KMT5B: variants seen among roughly 807,000 people sequenced by gnomAD.
The protein encoded by KMT5B is histone-lysine N-methyltransferase KMT5B.
A neutral mutation model predicts 83.2 loss-of-function variants in KMT5B; 10 were observed. That is an observed-to-expected ratio of 0.12 (90% confidence interval 0.07 to 0.20). KMT5B has a LOEUF of 0.20. KMT5B is among the 10% of genes least tolerant of loss of function. KMT5B has a pLI of 1.00. For synonymous variants in KMT5B, 349 were observed against 388.8 expected (o/e 0.90, Z 1.20); for missense variants, 753 against 1,067.2 (o/e 0.71, Z 4.10).
chr11:68,194,228 T>G (rs1281274019), intron 1 of KMT5B, among the ~76,000 whole-genome samples: 1 of 139,512 alleles, frequency 7.2e-6, no homozygotes, highest in Non-Finnish European at 1.5e-5. Context: ...TATCGCTCCC[T>G]CACCCAGGCT....
At chr11:68,178,244 C>T (rs1856567792) in intron 4 of KMT5B, among the ~76,000 whole-genome samples, 1 of 152,186 alleles carries the variant, frequency 6.6e-6, no homozygotes, top group African/African-American at 2.4e-5. Context: ...TGAAACTTGG[C>T]TATTTTTAAT....
At chr11:68,190,224 C>A (rs1857884708) in intron 1 of KMT5B, 72 bp from the exon 2 acceptor site, 1 of 685,492 alleles carries the variant, frequency 1.5e-6, no homozygotes, top group Non-Finnish European at 2.5e-6. Flanking sequence ...GCTAAACAGA[C>A]CCTTGAGAAA....
chr11:68,194,844 T>G (rs1858518127), intron 1 of KMT5B, among the ~76,000 whole-genome samples: 1 of 152,158 alleles, frequency 6.6e-6, no homozygotes, highest in South Asian at 2.1e-4. Flanking sequence ...AAATTTAGAA[T>G]TAGGTTTTTT....
At chr11:68,193,866 T>C (rs1185854068) in intron 1 of KMT5B, among the ~76,000 whole-genome samples, 2 of 151,044 alleles carry the variant, frequency 1.3e-5, no homozygotes, top group East Asian at 3.9e-4. Context: ...AGTGGTGTGA[T>C]GATGGCTCAC....
chr11:68,199,695 G>T (rs557005264), intron 1 of KMT5B, among the ~76,000 whole-genome samples: 1 of 152,210 alleles, frequency 6.6e-6, no homozygotes, highest in Non-Finnish European at 1.5e-5. Context: ...TAGGACAAGA[G>T]AATGCAGGGA....
At chr11:68,190,566 G>C (rs1857923586) in intron 1 of KMT5B, among the ~76,000 whole-genome samples, 1 of 152,196 alleles carries the variant, frequency 6.6e-6, no homozygotes, top group African/African-American at 2.4e-5. Flanking sequence ...AGAGGGAGAA[G>C]ACAGTGATAT....
chr11:68,171,682 C>G lies in KMT5B; in HGVS notation c.681G>C (p.Leu227=), dbSNP rs1166569773. Residue 227 remains leucine (L), a synonymous_variant, in exon 7 of 11, where the codon CTG becomes CTC. Transcript: ENST00000304363. The surrounding 1 kb of genome is among the most constrained non-coding windows in gnomAD (Gnocchi z 5.1). The part of the protein sequence containing the change: ...EWKRNDKIEL[L]VGCIAELSEI... ...CTGAAAGTTCGGCAATACAACCCACCAGTAATTCTATTTTGTCATTTCGTT... is the reference window on the plus strand; with the variant it reads ...CTGAAAGTTCGGCAATACAACCCACGAGTAATTCTATTTTGTCATTTCGTT... 2.5e-6 allele frequency: 4 copies of G among 1,612,600 alleles called. No individual in the cohort carries two copies. In the African/African-American group the frequency reaches 5.3e-5, roughly 22 times the overall value.
intron 2 of KMT5B, among the ~76,000 whole-genome samples, chr11:68,189,022 C>G (rs868756335): frequency 6.6e-6 from 1 of 152,148 alleles, no homozygotes; most frequent in African/African-American, 2.4e-5. Flanking sequence ...TAAGGGTAGC[C>G]TGGGCCCAAT....
rs891612109 is a variant in KMT5B, at chr11:68,159,272, C to T, written c.1175-101G>A. On this transcript the variant is annotated intron_variant, in intron 10 of 10. Coordinates refer to ENST00000304363, the MANE Select transcript of KMT5B (RefSeq NM_017635.5). ...TATTAGCTACAGCACGTTTAGATTA[C>T]ACAAACGCCAACACCACGGCTCCTG... 5.5e-6 allele frequency: 8 copies of T among 1,449,588 alleles called. No individual in the cohort carries two copies. In the East Asian group the frequency reaches 1.7e-4, roughly 30 times the overall value. The allele number at this position is 1,449,588 out of a possible 1,614,324, so 89.8% of individuals were successfully genotyped here. A position where few individuals can be genotyped will look rare whatever the true frequency, so the allele number is the denominator to read the frequency against.
At position 68,158,765 on chromosome 11, in the gene KMT5B, C is replaced by T. The variant is rs1859495789; in HGVS notation, c.1581G>A (p.Ser527=). Residue 527 remains serine, a synonymous_variant, in exon 11 of 11, where the codon TCG becomes TCA. Coordinates refer to ENST00000304363, the MANE Select transcript of KMT5B (RefSeq NM_017635.5). ...AGGTGCAGGGCGAGCTCTCCCCCTGCGAATGAGCACCTCTCACAGGATTCT... is the reference window on the plus strand; with the variant it reads ...AGGTGCAGGGCGAGCTCTCCCCCTGTGAATGAGCACCTCTCACAGGATTCT... ...HRQNPVRGAH[S]QGESSPCTYI... 1.9e-6 allele frequency: 3 copies of T among 1,614,180 alleles called. No individual in the cohort carries two copies. Among genetic ancestry groups the T allele is most frequent in the Non-Finnish European group, 2.5e-6 (3 of 1,180,036 alleles).
In KMT5B at chr11:68,170,495, C is replaced by A. The variant is rs138175249; in HGVS notation, c.977+520G>T. 5.2e-3 allele frequency among the ~76,000 whole-genome samples: 799 copies of A among 152,216 alleles called. 5 individuals carry two copies. The highest frequency in any genetic ancestry group is 8.6e-3 in the Non-Finnish European group (588 of 68,010). On this transcript the variant is annotated intron_variant, in intron 9 of 10. Transcript: ENST00000304363. ...ATAATGAGCAATATGAACTGGTGGT[C>A]CTGCCAATGAAGATCTGGGGGATTT...
chr11:68,208,230 C>T (rs1480711624), intron 1 of KMT5B, among the ~76,000 whole-genome samples: 4 of 151,344 alleles, frequency 2.6e-5, no homozygotes, highest in Non-Finnish European at 5.9e-5. Context: ...GGGAGGGTCA[C>T]GAGGTCAGGA....
At chr11:68,211,908 G>C (rs933714987) in intron 1 of KMT5B, among the ~76,000 whole-genome samples, 11 of 152,118 alleles carry the variant, frequency 7.2e-5, no homozygotes, top group Non-Finnish European at 1.5e-4. Context: ...CTCTAACCTG[G>C]GAATATAAGG....
chr11:68,192,605 A>T (rs1284726170), intron 1 of KMT5B, among the ~76,000 whole-genome samples: 1 of 152,202 alleles, frequency 6.6e-6, no homozygotes, highest in African/African-American at 2.4e-5. Flanking sequence ...AACTACAAGG[A>T]AGTTATTTAT....
chr11:68,158,194 A>G lies in KMT5B; in HGVS notation c.2152T>C (p.Leu718=). 1 of 1,614,190 alleles carries G rather than the reference A, an allele frequency of 6.2e-7. No individual in the cohort carries two copies. Among genetic ancestry groups the G allele is most frequent in the Non-Finnish European group, 8.5e-7 (1 of 1,180,042 alleles). ...ILENNSGIPK[L]TLRRRHDSSS... is the part of the protein sequence containing the mutation. ...CTATCATGACGCCTACGAAGAGTCA[A>G]TTTGGGAATCCCAGAGTTATTTTCT... The change falls in exon 11 of 11, where the codon TTG becomes CTG. Residue 718 remains leucine, a synonymous_variant. Transcript: ENST00000304363.
rs1859412952 is a variant in KMT5B, at chr11:68,157,871, A to G, written c.2475T>C (p.Ser825=). 3.7e-6 allele frequency: 6 copies of G among 1,613,988 alleles called. No individual in the cohort carries two copies. Among genetic ancestry groups the G allele is most frequent in the Non-Finnish European group, 5.1e-6 (6 of 1,179,914 alleles). Residue 825 remains serine (S), a synonymous_variant, in exon 11 of 11, where the codon AGT becomes AGC. Transcript: ENST00000304363. ...CCTCAGAAGAGGAGGAATCATCTGT[A>G]CTTTCTTCCTCATACTGACTATAGT... The part of the protein sequence containing the change: ...VDDYSQYEEE[S]TDDSSSSEGD...
At chr11:68,200,289 A>C (rs1002275666) in intron 1 of KMT5B, among the ~76,000 whole-genome samples, 7 of 152,242 alleles carry the variant, frequency 4.6e-5, no homozygotes, top group African/African-American at 1.7e-4. Context: ...CAAAAGGAGC[A>C]ACAAGTGAGA....
chr11:68,188,021 TTTTTC>T (rs1223188166), intron 2 of KMT5B, among the ~76,000 whole-genome samples: 17 of 151,528 alleles, frequency 1.1e-4, no homozygotes, highest in Admixed American at 1.3e-4. Flanking sequence ...GCCATTTTCC[TTTTTC>T]TTTTTTTTTT....
At chr11:68,179,378 A>C in intron 4 of KMT5B, 1 of 1,163,288 alleles carries the variant, frequency 8.6e-7, no homozygotes, top group Non-Finnish European at 1.1e-6. Flanking sequence ...CTTCCAATCA[A>C]TGGCTGGTAT....
Sources: gnomAD v4.1 joint callset for allele counts (sites outside exome capture counted in the v4.1 genomes callset) on GRCh38, gnomAD v4.1.1 for gene constraint, Gnocchi (gnomAD v3.1) non-coding constraint, MANE v1.5 for transcripts, NCBI Gene and HGNC (gene_info 2026-07-23, HGNC 2026-07-21) for gene names.